ARHGEF4: variants seen among roughly 807,000 people sequenced by gnomAD.
The protein encoded by ARHGEF4 is APC-stimulated guanine nucleotide exchange factor 1.
In ARHGEF4, 119 loss-of-function variants were observed where a neutral mutation model predicts 162.0. That is an observed-to-expected ratio of 0.73 (90% CI 0.63 to 0.86). The LOEUF is 0.86. Ranked by LOEUF, ARHGEF4 falls within the 40% of genes least tolerant of loss-of-function variation. ARHGEF4 has a pLI of 0.00. For synonymous variants in ARHGEF4, 1,014 were observed against 979.9 expected (o/e 1.03, Z -0.65); for missense variants, 2,488 against 2,456.0 (o/e 1.01, Z -0.28).
At chr2:131,018,218 C>T (rs1688881426) in intron 4 of ARHGEF4, among the ~76,000 whole-genome samples, 1 of 152,186 alleles carries the variant, frequency 6.6e-6, no homozygotes, top group Non-Finnish European at 1.5e-5. Flanking sequence ...GTGGTATAAT[C>T]CACATGCCAT....
chr2:131,024,088 C>T (rs1022621822), intron 4 of ARHGEF4, among the ~76,000 whole-genome samples: 2 of 152,146 alleles, frequency 1.3e-5, no homozygotes, highest in Non-Finnish European at 1.5e-5. Flanking sequence ...CAGTGCCATA[C>T]GCCTATACAC....
rs541631606 is a variant in ARHGEF4, at chr2:131,044,910, G to T, written c.5401+368G>T. Among the ~76,000 whole-genome samples, 11 of 152,292 alleles carry T rather than the reference G, an allele frequency of 7.2e-5. No individual in the cohort carries two copies. In the South Asian group the frequency reaches 2.3e-3, roughly 32 times the overall value. On this transcript the variant is annotated intron_variant, in intron 12 of 13. Transcript: ENST00000409359. ...CGGGACCCCTTTCCAGCCAGCAAAA[G>T]CCCTGGGAGAGCCTTGGAGTGGGCT...
At chr2:130,993,851 G>A (rs1280034657) in intron 4 of ARHGEF4, among the ~76,000 whole-genome samples, 1 of 151,964 alleles carries the variant, frequency 6.6e-6, no homozygotes, top group Non-Finnish European at 1.5e-5. Context: ...GTGTGATCTT[G>A]GCTGTCACTG....
chr2:130,844,341 C>G (rs1186346784), intron 1 of ARHGEF4, among the ~76,000 whole-genome samples: 2 of 152,224 alleles, frequency 1.3e-5, no homozygotes, highest in Non-Finnish European at 2.9e-5. Flanking sequence ...GTGAGGCCCT[C>G]CGGCCCTCAC....
Position 130,917,122 on chromosome 2 carries a change from C to T in ARHGEF4, c.3176C>T (p.Pro1059Leu). ...EKSWLASPGS[P>L]RAQQAGIAHT... is the part of the protein sequence containing the mutation. ...TCCTGGCTGGCGTCCCCCGGCAGCC[C>T]TCGGGCCCAGCAGGCTGGAATCGCA... Residue 1059 changes from proline (P) to leucine (L), a missense_variant, in exon 2 of 14, where the codon CCT becomes CTT. By Grantham distance (98) the Pro-to-Leu change is moderately conservative. Coordinates refer to ENST00000409359, the MANE Select transcript of ARHGEF4 (RefSeq NM_001367493.1). 1.3e-6 allele frequency: 2 copies of T among 1,550,488 alleles called. No homozygotes were observed. Among genetic ancestry groups the T allele is most frequent in the Non-Finnish European group, 1.7e-6 (2 of 1,146,970 alleles).
At chr2:130,972,668 G>A (rs1447664140) in intron 4 of ARHGEF4, among the ~76,000 whole-genome samples, 1 of 152,176 alleles carries the variant, frequency 6.6e-6, no homozygotes, top group Non-Finnish European at 1.5e-5. Flanking sequence ...TGAAACTTCA[G>A]AACAAAACAA....
intron 4 of ARHGEF4, among the ~76,000 whole-genome samples, chr2:130,996,847 G>A (rs1687423574): frequency 6.6e-6 from 1 of 152,196 alleles, no homozygotes; most frequent in Non-Finnish European, 1.5e-5. Context: ...TCTATTGGAT[G>A]TAAAGTGACA....
intron 4 of ARHGEF4, among the ~76,000 whole-genome samples, chr2:131,012,861 G>A (rs1372333482): frequency 3.3e-5 from 5 of 152,310 alleles, no homozygotes; most frequent in Middle Eastern, 3.4e-3. Context: ...GATTAGAGGC[G>A]TGAGCCACCG....
At chr2:130,868,155 G>A (rs1009483085) in intron 1 of ARHGEF4, among the ~76,000 whole-genome samples, 3 of 151,876 alleles carry the variant, frequency 2.0e-5, no homozygotes, top group South Asian at 2.1e-4. Context: ...TCGATCTCCC[G>A]ACGTCGTGAT....
At chr2:130,848,943 C>T (rs1025224639) in intron 1 of ARHGEF4, among the ~76,000 whole-genome samples, 1 of 152,098 alleles carries the variant, frequency 6.6e-6, no homozygotes, top group African/African-American at 2.4e-5. Context: ...AGAGGCTAAG[C>T]GGGCCCTGGG....
At chr2:130,845,460 G>A (rs1291057962) in intron 1 of ARHGEF4, among the ~76,000 whole-genome samples, 1 of 151,700 alleles carries the variant, frequency 6.6e-6, no homozygotes, top group Non-Finnish European at 1.5e-5. Context: ...CACCACACCC[G>A]GCTAATTTTT....
At chr2:130,870,344 G>A (rs1678378648) in intron 1 of ARHGEF4, among the ~76,000 whole-genome samples, 1 of 152,180 alleles carries the variant, frequency 6.6e-6, no homozygotes, top group Non-Finnish European at 1.5e-5. Context: ...GGAGCAACGG[G>A]CATGCTGAGA....
chr2:130,923,461 G>A (rs536443944), intron 2 of ARHGEF4, among the ~76,000 whole-genome samples: 30 of 152,272 alleles, frequency 2.0e-4, no homozygotes, highest in African/African-American at 6.7e-4. Context: ...TAGCTGTACA[G>A]TAAGCATTAC....
chr2:131,004,176 G>GT (rs532002722), intron 4 of ARHGEF4, among the ~76,000 whole-genome samples: 2 of 152,142 alleles, frequency 1.3e-5, no homozygotes, highest in Admixed American at 6.5e-5. Flanking sequence ...TTGTTTTGGG[G>GT]TTTTTTTGAG....
chr2:131,021,869 C>G (rs538848831), intron 4 of ARHGEF4, among the ~76,000 whole-genome samples: 82 of 152,218 alleles, frequency 5.4e-4, no homozygotes, highest in African/African-American at 1.9e-3. Context: ...AATGTTTTAT[C>G]GTAAAAACTT....
chr2:131,025,877 G>C (rs1689449370), intron 4 of ARHGEF4, among the ~76,000 whole-genome samples: 1 of 152,266 alleles, frequency 6.6e-6, no homozygotes, highest in South Asian at 2.1e-4. Flanking sequence ...TTTCACCTAT[G>C]TTGGGCCCAT....
At chr2:131,033,116 G>T (rs1186021957) in intron 5 of ARHGEF4, among the ~76,000 whole-genome samples, 2 of 152,086 alleles carry the variant, frequency 1.3e-5, no homozygotes, top group Non-Finnish European at 2.9e-5. Flanking sequence ...GCTTCGCAAA[G>T]TGCTGGGATT....
rs778534263 is a variant in ARHGEF4, at chr2:131,045,435, G to A, written c.5468G>A (p.Gly1823Glu). The A allele has an allele frequency of 7.9e-5, 128 of 1,613,516 alleles. 1 individual carries two copies. The highest frequency in any genetic ancestry group is 9.9e-5 in the Non-Finnish European group (117 of 1,180,016). The change falls in exon 13 of 14, where the codon GGG becomes GAG. Residue 1823 changes from glycine (G) to glutamate (E), a missense_variant. Around this residue, in one of 6 missense-constraint regions of ARHGEF4, gnomAD observed 415 missense variants for 512.4 expected, o/e 0.81. Coordinates refer to ENST00000409359, the MANE Select transcript of ARHGEF4 (RefSeq NM_001367493.1). ...MLNASKQQVTGKPKAVGRPCY... is the reference protein window; with the variant it reads ...MLNASKQQVTEKPKAVGRPCY... ...AATGCCAGCAAGCAGCAGGTCACAGGGAAGCCCAAAGGTAGGCGGACAGCA... is the reference window on the plus strand; with the variant it reads ...AATGCCAGCAAGCAGCAGGTCACAGAGAAGCCCAAAGGTAGGCGGACAGCA...
chr2:131,015,535 C>G (rs79132990), intron 4 of ARHGEF4, among the ~76,000 whole-genome samples: 2 of 152,062 alleles, frequency 1.3e-5, no homozygotes, highest in Admixed American at 6.5e-5. Flanking sequence ...GCTGGTTGAC[C>G]GGTTGTTCTG....
Sources: allele counts gnomAD v4.1 joint callset (sites outside exome capture counted in the v4.1 genomes callset), GRCh38; gene constraint gnomAD v4.1.1; regional missense constraint gnomAD v4.1.1; transcripts MANE v1.5; gene names NCBI Gene and HGNC (gene_info 2026-07-23, HGNC 2026-07-21).